The following EPHA6 variants were observed in gnomAD, a reference collection of about 807,000 sequenced individuals.
The protein encoded by EPHA6 is EPH receptor A6.
EPHA6 carries 50 observed loss-of-function variants against 112.0 expected under a neutral mutation model. The ratio of observed to expected loss-of-function variants is 0.45; its 90% CI spans 0.36 to 0.56. The LOEUF is 0.56. Ranked by LOEUF, EPHA6 falls within the 20% of genes least tolerant of loss-of-function variation. The probability of loss-of-function intolerance (pLI) is 0.00; values close to 1 mark genes in which losing one functional copy is unlikely to be tolerated. For synonymous variants in EPHA6, 529 were observed against 490.7 expected, an observed-to-expected ratio of 1.08 and a Z score of -1.03; for missense variants, 1,280 against 1,417.4, an observed-to-expected ratio of 0.90 and a Z score of 1.56.
At chr3:97,246,903 G>T (rs1305865405) in intron 5 of EPHA6, among the ~76,000 whole-genome samples, 10 of 151,948 alleles carry the variant, frequency 6.6e-5, no homozygotes, top group Non-Finnish European at 1.2e-4. Flanking sequence ...ATCTGTGGAT[G>T]TATCAGATAT....
At chr3:97,365,061 C>G (rs1420007657) in intron 5 of EPHA6, among the ~76,000 whole-genome samples, 1 of 152,114 alleles carries the variant, frequency 6.6e-6, no homozygotes, top group East Asian at 1.9e-4. Flanking sequence ...TAGACCTGCT[C>G]TACTTGATAT....
intron 2 of EPHA6, among the ~76,000 whole-genome samples, chr3:96,948,892 T>C (rs552906935): frequency 6.4e-4 from 98 of 152,322 alleles, no homozygotes; most frequent in African/African-American, 2.3e-3. Flanking sequence ...AGATTGGCTT[T>C]ACTCACACTG....
intron 3 of EPHA6, among the ~76,000 whole-genome samples, chr3:97,063,338 T>C (rs997910723): frequency 1.3e-5 from 2 of 152,166 alleles, no homozygotes; most frequent in African/African-American, 4.8e-5. Flanking sequence ...AAAGAAAATG[T>C]GGTACATATA....
chr3:97,349,922 G>T (rs2083719285), intron 5 of EPHA6, among the ~76,000 whole-genome samples: 1 of 151,522 alleles, frequency 6.6e-6, no homozygotes. Flanking sequence ...AACACTCTTA[G>T]TTGAGAAACA....
chr3:97,617,598 C>T (rs997081194), intron 13 of EPHA6, among the ~76,000 whole-genome samples: 1 of 152,088 alleles, frequency 6.6e-6, no homozygotes, highest in Non-Finnish European at 1.5e-5. Context: ...ATTTACCAAG[C>T]AAATGGACAA....
At chr3:97,328,483 T>C (rs2082595913) in intron 5 of EPHA6, among the ~76,000 whole-genome samples, 1 of 152,088 alleles carries the variant, frequency 6.6e-6, no homozygotes, top group Non-Finnish European at 1.5e-5. Context: ...CTATTTACCA[T>C]CTGTATGCAT....
chr3:97,575,140 C>T (rs1463435386), intron 11 of EPHA6, among the ~76,000 whole-genome samples: 1 of 152,054 alleles, frequency 6.6e-6, no homozygotes, highest in Admixed American at 6.6e-5. Context: ...AGAACATTGT[C>T]ATTTACTCTT....
intron 3 of EPHA6, among the ~76,000 whole-genome samples, chr3:97,182,710 A>G (rs1407407261): frequency 6.6e-6 from 1 of 152,150 alleles, no homozygotes; most frequent in Non-Finnish European, 1.5e-5. Flanking sequence ...GAAATTGAAT[A>G]CCTTTAAGAC....
At chr3:96,824,788 C>T (rs556257669) in intron 1 of EPHA6, among the ~76,000 whole-genome samples, 4 of 151,878 alleles carry the variant, frequency 2.6e-5, no homozygotes, top group African/African-American at 7.2e-5. Flanking sequence ...TATACAGAGA[C>T]GTTGAGAATA....
intron 3 of EPHA6, among the ~76,000 whole-genome samples, chr3:96,997,795 G>T (rs2043478029): frequency 6.6e-6 from 1 of 152,018 alleles, no homozygotes; most frequent in African/African-American, 2.4e-5. Flanking sequence ...ACCAAAATGT[G>T]ATATGGAGAC....
intron 1 of EPHA6, among the ~76,000 whole-genome samples, chr3:96,838,991 C>T (rs529732270): frequency 6.6e-6 from 1 of 152,196 alleles, no homozygotes; most frequent in Admixed American, 6.5e-5. Context: ...AAGTGGTTCC[C>T]AGCTGAGAAA....
rs2035908977 is a variant in EPHA6, at chr3:97,751,844, T to C, written c.*3143T>C. 1.3e-5 allele frequency among the ~76,000 whole-genome samples: 2 copies of C among 152,168 alleles called. No individual in the cohort carries two copies. The highest frequency in any genetic ancestry group is 4.8e-5 in the African/African-American group (2 of 41,464). ...TGATCTATGCTACTGAGGGGGTGTT[T>C]TGGATTTTAAAACCAGACAGTTAAA... On this transcript the variant is annotated 3_prime_UTR_variant, in exon 18 of 18. Transcript: ENST00000389672.
intron 3 of EPHA6, among the ~76,000 whole-genome samples, chr3:97,142,242 G>T (rs1559753824): frequency 6.6e-6 from 1 of 151,932 alleles, no homozygotes; most frequent in East Asian, 1.9e-4. Flanking sequence ...TGTTAGTTCT[G>T]CTTAGAAATA....
At chr3:97,391,477 G>T (rs762613553) in intron 5 of EPHA6, among the ~76,000 whole-genome samples, 1 of 151,884 alleles carries the variant, frequency 6.6e-6, no homozygotes, top group Non-Finnish European at 1.5e-5. Flanking sequence ...TCTTTTCCAG[G>T]CTGATCCTAT....
At chr3:97,439,589 T>C in intron 6 of EPHA6, 1 of 1,004,038 alleles carries the variant, frequency 1.0e-6, no homozygotes, top group Non-Finnish European at 1.2e-6. Context: ...TTTAATGTTG[T>C]CACAATGGAG....
In EPHA6 at chr3:97,392,890, C is replaced by T. The variant is rs116298074; in HGVS notation, c.1607-12260C>T. On this transcript the variant is annotated intron_variant, in intron 5 of 17. Coordinates refer to ENST00000389672, the MANE Select transcript of EPHA6 (RefSeq NM_001080448.3). ...GTTGAGGAAATCAGAAATCAGCTGA[C>T]GCCCAGAAGTTACAAACCATATTCA... Among the ~76,000 whole-genome samples the T allele has an allele frequency of 4.1e-4, 62 of 151,642 alleles. 1 individual carries two copies. The highest frequency in any genetic ancestry group is 1.0e-3 in the African/African-American group (42 of 41,440).
At chr3:97,096,336 G>A (rs993626423) in intron 3 of EPHA6, among the ~76,000 whole-genome samples, 3 of 151,386 alleles carry the variant, frequency 2.0e-5, no homozygotes, top group Non-Finnish European at 4.4e-5. Context: ...GTTGAGTGCC[G>A]AGCTTTTCAT....
Position 97,251,147 on chromosome 3 carries a change from T to C in EPHA6, c.1606+6860T>C, listed in dbSNP as rs184732650. 2.5e-3 allele frequency among the ~76,000 whole-genome samples: 382 copies of C among 152,014 alleles called. 2 individuals are homozygous for C. Among genetic ancestry groups the C allele is most frequent in the African/African-American group, 8.9e-3 (368 of 41,504 alleles). On this transcript the variant is annotated intron_variant, in intron 5 of 17. Transcript: ENST00000389672. ...TCCCAAAGTACTGGGATTACAGGCATGAGCCACGGCACCTGGCCATTTGTG... is the reference window on the plus strand; with the variant it reads ...TCCCAAAGTACTGGGATTACAGGCACGAGCCACGGCACCTGGCCATTTGTG...
intron 3 of EPHA6, among the ~76,000 whole-genome samples, chr3:97,092,700 C>A (rs1007637256): frequency 1.3e-5 from 2 of 151,894 alleles, no homozygotes; most frequent in Admixed American, 6.6e-5. Context: ...TGGAAGAAGC[C>A]ATATTATAAT....
Sources: allele counts gnomAD v4.1 joint callset (sites outside exome capture counted in the v4.1 genomes callset), GRCh38; gene constraint gnomAD v4.1.1; transcripts MANE v1.5; gene names NCBI Gene and HGNC (gene_info 2026-07-23, HGNC 2026-07-21).